RLF: variants seen among roughly 807,000 people sequenced by gnomAD.
RLF encodes the protein zinc finger protein Rlf.
In RLF, 7 loss-of-function variants were observed where a neutral mutation model predicts 162.9. The observed-to-expected ratio is 0.04, with a 90% CI of 0.02 to 0.08. The LOEUF (loss-of-function observed/expected upper bound fraction) is 0.08. Ranked by LOEUF, RLF falls within the 10% of genes least tolerant of loss-of-function variation. The pLI is 1.00. For missense variants in RLF, 1,664 were observed against 2,244.7 expected (o/e 0.74, Z 5.23); for synonymous variants, 782 against 791.5 (o/e 0.99, Z 0.20).
chr1:40,223,432 G>T (rs1015223745), intron 6 of RLF, among the ~76,000 whole-genome samples: 1 of 152,202 alleles, frequency 6.6e-6, no homozygotes, highest in African/African-American at 2.4e-5. Flanking sequence ...TATTAAAGGT[G>T]TCAGGGAGGA....
intron 6 of RLF, among the ~76,000 whole-genome samples, chr1:40,231,176 G>T (rs1643147615): frequency 6.6e-6 from 1 of 152,210 alleles, no homozygotes; most frequent in South Asian, 2.1e-4. Context: ...TTAGGACAGG[G>T]CTTAATTCAA....
At chr1:40,188,980 T>G (rs1416996119) in intron 1 of RLF, 75 bp from the exon 2 acceptor site, 12 of 966,962 alleles carry the variant, frequency 1.2e-5, no homozygotes, top group Non-Finnish European at 1.5e-5. Context: ...GGGAGAGCTA[T>G]GTGGTGTGTT....
intron 5 of RLF, among the ~76,000 whole-genome samples, chr1:40,215,182 C>G (rs1448910596): frequency 6.6e-6 from 1 of 152,048 alleles, no homozygotes; most frequent in Non-Finnish European, 1.5e-5. Flanking sequence ...ATGGACAATT[C>G]AAACATGAGA....
At chr1:40,167,678 A>G (rs973475631) in intron 1 of RLF, among the ~76,000 whole-genome samples, 8 of 150,646 alleles carry the variant, frequency 5.3e-5, no homozygotes, top group East Asian at 1.9e-4. Context: ...GCACTTCCCT[A>G]TTGCCTTTCA....
intron 5 of RLF, among the ~76,000 whole-genome samples, chr1:40,217,439 C>G (rs1642938639): frequency 6.6e-6 from 1 of 152,108 alleles, no homozygotes; most frequent in South Asian, 2.1e-4. Flanking sequence ...CCACTACACT[C>G]TAGCCTGGGC....
rs1406120409 is a variant in RLF, at chr1:40,236,149, T to G, written c.1447T>G (p.Leu483Val). ...KTLKRHCHQL[L>V]GQEASDSDDD... is the part of the protein sequence containing the mutation. ...TTTAAAACGACACTGCCACCAACTT[T>G]TAGGACAAGAAGCCTCAGATTCTGA... The change falls in exon 8 of 8, where the codon TTA (leucine) becomes GTA (valine). Residue 483 changes from leucine (L) to valine (V), a missense_variant. Physicochemically the swap from Leu to Val is conservative, Grantham distance 32. Coordinates refer to ENST00000372771, the MANE Select transcript of RLF (RefSeq NM_012421.4). The surrounding 1 kb of genome is among the most constrained non-coding windows in gnomAD (Gnocchi z 7.7). 1.2e-6 allele frequency: 2 copies of G among 1,613,848 alleles called. No homozygotes were observed. Among genetic ancestry groups the G allele is most frequent in the Non-Finnish European group, 1.7e-6 (2 of 1,179,980 alleles).
intron 1 of RLF, among the ~76,000 whole-genome samples, chr1:40,173,741 C>T (rs1642278142): frequency 6.6e-6 from 1 of 152,120 alleles, no homozygotes; most frequent in South Asian, 2.1e-4. Flanking sequence ...TCTCAAACTT[C>T]TGGCCTCAAG....
intron 1 of RLF, among the ~76,000 whole-genome samples, chr1:40,186,226 TG>T (rs1642478575): frequency 6.6e-6 from 1 of 152,002 alleles, no homozygotes; most frequent in Non-Finnish European, 1.5e-5. Context: ...CCCAGCTACT[TG>T]GGAGGCTGAA....
intron 2 of RLF, among the ~76,000 whole-genome samples, chr1:40,189,531 C>A (rs1557743956): frequency 6.6e-6 from 1 of 152,116 alleles, no homozygotes; most frequent in Non-Finnish European, 1.5e-5. Flanking sequence ...TGAAGAACAT[C>A]TTGGCAAAAA....
chr1:40,239,889 G>A lies in RLF; in HGVS notation c.5187G>A (p.Arg1729=). The A allele has an allele frequency of 1.2e-6, 2 of 1,613,782 alleles. No homozygotes were observed. Among genetic ancestry groups the A allele is most frequent in the Non-Finnish European group, 1.7e-6 (2 of 1,180,030 alleles). ...PLPRIKESET[R]QHSSGQENTV... ...CAAGGATCAAAGAATCAGAAACTAGGCAGCATAGTTCAGGGCAAGAAAACA... is the reference window on the plus strand; with the variant it reads ...CAAGGATCAAAGAATCAGAAACTAGACAGCATAGTTCAGGGCAAGAAAACA... The change falls in exon 8 of 8, where the codon AGG becomes AGA. Residue 1729 remains arginine (R), a synonymous_variant. Transcript: ENST00000372771.
At chr1:40,182,753 G>GTAGGTAGATAGA (rs144667492) in intron 1 of RLF, among the ~76,000 whole-genome samples, 5,595 of 148,856 alleles carry the variant, frequency 0.038, 152 homozygotes, top group East Asian at 0.072. Flanking sequence ...AGATAGATAG[G>GTAGGTAGATAGA]TAGATAGATA....
At position 40,161,727 on chromosome 1, in the gene RLF, G is replaced by A; in HGVS notation, c.237+91G>A. 1 of 1,508,776 alleles carries A rather than the reference G, an allele frequency of 6.6e-7. No individual in the cohort carries two copies. Among genetic ancestry groups the A allele is most frequent in the Admixed American group, 2.4e-5 (1 of 41,580 alleles). 93.5% of individuals were successfully genotyped at this position (1,508,776 alleles called of 1,614,324 possible). ...CTCTGTAAGCAGCCGGGTCCAAACTGAAAGGCGCCACCTCCGTGACTCGCC... is the reference window on the plus strand; with the variant it reads ...CTCTGTAAGCAGCCGGGTCCAAACTAAAAGGCGCCACCTCCGTGACTCGCC... On this transcript the variant is annotated intron_variant, in intron 1 of 7. Transcript: ENST00000372771. This position sits in a 1 kb window ranked among gnomAD's most constrained non-coding sequence, Gnocchi z 4.4.
At chr1:40,167,008 A>T (rs1423722515) in intron 1 of RLF, among the ~76,000 whole-genome samples, 3 of 152,028 alleles carry the variant, frequency 2.0e-5, no homozygotes, top group African/African-American at 7.2e-5. Context: ...TATAATTTTA[A>T]AAAAAAAGAA....
intron 5 of RLF, among the ~76,000 whole-genome samples, chr1:40,216,806 C>T (rs1642930233): frequency 6.6e-6 from 1 of 152,160 alleles, no homozygotes; most frequent in African/African-American, 2.4e-5. Flanking sequence ...TGTACCAGCA[C>T]TTTGGGAGGC....
intron 5 of RLF, among the ~76,000 whole-genome samples, chr1:40,222,074 T>C (rs535331957): frequency 6.6e-6 from 1 of 152,302 alleles, no homozygotes; most frequent in South Asian, 2.1e-4. Context: ...ATACACTAGA[T>C]ATTTTCCTTC....
rs1643283582 is a variant in RLF, at chr1:40,240,875, CTTATA to C, written c.*431_*435del. 1 of 154,142 alleles carries C rather than the reference CTTATA, an allele frequency of 6.5e-6. No individual in the cohort carries two copies. The highest frequency in any genetic ancestry group is 6.5e-5 in the Admixed American group (1 of 15,346). The allele number at this position is 154,142 out of a possible 1,614,324, so 9.5% of individuals were successfully genotyped here. A position where few individuals can be genotyped will look rare whatever the true frequency, so the allele number is the denominator to read the frequency against. ...TGTAATATATTGTACACTACAGCAT[CTTATA>C]TTTTTTGAGTTGAGTTTCAATAAAT... On this transcript the variant is annotated 3_prime_UTR_variant, in exon 8 of 8. Transcript: ENST00000372771.
At chr1:40,164,715 C>G (rs1448323573) in intron 1 of RLF, among the ~76,000 whole-genome samples, 1 of 152,014 alleles carries the variant, frequency 6.6e-6, no homozygotes, top group Non-Finnish European at 1.5e-5. Flanking sequence ...ATTTGTAACA[C>G]AAATTTTGAA....
At chr1:40,211,941 C>T (rs944447728) in intron 5 of RLF, among the ~76,000 whole-genome samples, 4 of 152,188 alleles carry the variant, frequency 2.6e-5, no homozygotes, top group Admixed American at 1.3e-4. Flanking sequence ...TAGTCAGTCT[C>T]TTATCCTAGT....
chr1:40,228,486 G>A (rs2124557947), intron 6 of RLF, among the ~76,000 whole-genome samples: 1 of 151,994 alleles, frequency 6.6e-6, no homozygotes, highest in African/African-American at 2.4e-5. Flanking sequence ...GGGAGGCTGA[G>A]GCAGGAGAAT....
Sources: gnomAD v4.1 joint callset for allele counts (sites outside exome capture counted in the v4.1 genomes callset) on GRCh38, gnomAD v4.1.1 for gene constraint, Gnocchi (gnomAD v3.1) non-coding constraint, MANE v1.5 for transcripts, NCBI Gene and HGNC (gene_info 2026-07-23, HGNC 2026-07-21) for gene names.